Variants in SGCZ observed in about 807,000 individuals in gnomAD.
SGCZ encodes zeta-sarcoglycan.
SGCZ carries 40 observed loss-of-function variants against 41.3 expected under a neutral mutation model. The ratio of observed to expected loss-of-function variants is 0.97; its 90% confidence interval spans 0.75 to 1.26. SGCZ has a LOEUF of 1.26. Ranked by LOEUF, SGCZ falls within the 50% of genes most tolerant of loss-of-function variation. The pLI, the probability that SGCZ is intolerant of heterozygous loss-of-function variation, is 0.00. For synonymous variants in SGCZ, 206 were observed against 137.5 expected (o/e 1.50, Z -3.49); for missense variants, 552 against 369.8 (o/e 1.49, Z -4.04).
chr8:14,138,448 G>A (rs570325029), intron 5 of SGCZ, among the ~76,000 whole-genome samples: 13 of 151,534 alleles, frequency 8.6e-5, no homozygotes, highest in South Asian at 4.2e-4. Flanking sequence ...TCCATCTCAC[G>A]TGCAGAGACA....
chr8:14,510,015 C>T (rs1220909675), intron 2 of SGCZ, among the ~76,000 whole-genome samples: 1 of 152,090 alleles, frequency 6.6e-6, no homozygotes, highest in Middle Eastern at 3.2e-3. Flanking sequence ...TTTGAGATGA[C>T]ATTTGGGTGG....
At chr8:15,120,771 C>A (rs897665637) in intron 1 of SGCZ, among the ~76,000 whole-genome samples, 1 of 152,008 alleles carries the variant, frequency 6.6e-6, no homozygotes, top group African/African-American at 2.4e-5. Context: ...TTCAAAGGAC[C>A]ATTTTGTTGA....
chr8:14,905,083 TC>T (rs1799083989), intron 1 of SGCZ, among the ~76,000 whole-genome samples: 1 of 151,998 alleles, frequency 6.6e-6, no homozygotes, highest in Non-Finnish European at 1.5e-5. Flanking sequence ...TATACTCACT[TC>T]CCAGTCACAA....
chr8:14,474,759 A>T (rs1488562662), intron 2 of SGCZ, among the ~76,000 whole-genome samples: 1 of 152,198 alleles, frequency 6.6e-6, no homozygotes, highest in East Asian at 1.9e-4. Flanking sequence ...CTAAAAATCA[A>T]TTACTTGTCC....
At chr8:14,683,802 G>A (rs1808521482) in intron 1 of SGCZ, among the ~76,000 whole-genome samples, 1 of 152,048 alleles carries the variant, frequency 6.6e-6, no homozygotes, top group Admixed American at 6.6e-5. Flanking sequence ...TAGGGCTCGA[G>A]AAAATTAAGT....
At chr8:14,860,410 G>A (rs1382126819) in intron 1 of SGCZ, among the ~76,000 whole-genome samples, 2 of 151,270 alleles carry the variant, frequency 1.3e-5, no homozygotes, top group African/African-American at 2.4e-5. Flanking sequence ...CAGAAGACAG[G>A]AAGTGAGAAA....
chr8:14,669,541 A>G (rs1305448362), intron 1 of SGCZ, among the ~76,000 whole-genome samples: 1 of 152,044 alleles, frequency 6.6e-6, no homozygotes, highest in Non-Finnish European at 1.5e-5. Flanking sequence ...GTATAACAAC[A>G]TAGATTCCAT....
chr8:14,412,775 T>G (rs12542645), intron 2 of SGCZ, among the ~76,000 whole-genome samples: 48,064 of 151,768 alleles, frequency 0.32, 7,705 homozygotes, highest in Admixed American at 0.36. Flanking sequence ...TGACAAGGTA[T>G]CAAAATAGCA....
At chr8:14,091,040 T>A (rs1236812887) in intron 7 of SGCZ, among the ~76,000 whole-genome samples, 1 of 152,014 alleles carries the variant, frequency 6.6e-6, no homozygotes, top group South Asian at 2.1e-4. Flanking sequence ...CCTGTGTCCA[T>A]GTGTTCTCAT....
At position 14,206,944 on chromosome 8, in the gene SGCZ, C is replaced by A. The variant is rs549451651; in HGVS notation, c.424+30648G>T. ...ACCCACACCAAGGCAAGCACAATGT[C>A]TAGAATGACTTATGTCACTTAGCCA... is the stretch of plus-strand genomic sequence containing the variant. On this transcript the variant is annotated intron_variant, in intron 4 of 7. Transcript: ENST00000382080. Among the ~76,000 whole-genome samples, 57 of 152,284 alleles carry A rather than the reference C, an allele frequency of 3.7e-4. 4 individuals are homozygous for A. Among genetic ancestry groups the A allele is most frequent in the African/African-American group, 1.3e-3 (55 of 41,564 alleles).
intron 1 of SGCZ, among the ~76,000 whole-genome samples, chr8:14,746,734 C>G: frequency 6.6e-6 from 1 of 152,088 alleles, no homozygotes; most frequent in African/African-American, 2.4e-5. Context: ...AAACACAACC[C>G]CTTAAATGTA....
At chr8:14,095,432 G>A (rs553645644) in intron 7 of SGCZ, among the ~76,000 whole-genome samples, 22 of 152,178 alleles carry the variant, frequency 1.4e-4, no homozygotes, top group East Asian at 5.8e-4. Context: ...TCAGATGGTC[G>A]TAGATGTATG....
chr8:14,215,706 T>C (rs190161833), intron 4 of SGCZ, among the ~76,000 whole-genome samples: 8 of 152,242 alleles, frequency 5.3e-5, no homozygotes, highest in African/African-American at 1.7e-4. Flanking sequence ...ATATCATAAA[T>C]AAGTGTATGC....
chr8:14,563,084 T>G (rs541681548), intron 1 of SGCZ, among the ~76,000 whole-genome samples: 18 of 152,338 alleles, frequency 1.2e-4, no homozygotes, highest in African/African-American at 4.1e-4. Flanking sequence ...ATAGCTGTGC[T>G]ATGGCTGAAG....
chr8:14,147,990 A>G lies in SGCZ; in HGVS notation c.547+16590T>C, dbSNP rs562448021. Reference sequence around the variant, plus strand: ...TAAAGAAATTAAGAAGGAAATGGAAAAATTTCTTGAAACAAATGATAACCT... The same window carrying G: ...TAAAGAAATTAAGAAGGAAATGGAAGAATTTCTTGAAACAAATGATAACCT... On this transcript the variant is annotated intron_variant, in intron 5 of 7. Transcript: ENST00000382080. Among the ~76,000 whole-genome samples the G allele has an allele frequency of 5.3e-5, 8 of 152,282 alleles. 1 individual carries two copies. The South Asian group carries it at 1.7e-3, about 32-fold the overall frequency.
At chr8:14,535,520 T>C (rs546670713) in intron 2 of SGCZ, among the ~76,000 whole-genome samples, 122 of 152,054 alleles carry the variant, frequency 8.0e-4, no homozygotes, top group Non-Finnish European at 1.4e-3. Context: ...GTAATTAAAA[T>C]TATTTCATCT....
chr8:14,235,277 C>T (rs1806715838), intron 4 of SGCZ, among the ~76,000 whole-genome samples: 1 of 152,106 alleles, frequency 6.6e-6, no homozygotes, highest in Non-Finnish European at 1.5e-5. Context: ...AATATGCAAA[C>T]CAGCAAAAAT....
intron 2 of SGCZ, among the ~76,000 whole-genome samples, chr8:14,464,623 C>G (rs548757052): frequency 6.7e-6 from 1 of 150,298 alleles, no homozygotes; most frequent in African/African-American, 2.4e-5. Flanking sequence ...ATGATTTCTT[C>G]CCTTCTGTTA....
At chr8:15,210,229 T>C (rs552652999) in intron 1 of SGCZ, among the ~76,000 whole-genome samples, 23 of 152,260 alleles carry the variant, frequency 1.5e-4, no homozygotes, top group Middle Eastern at 3.4e-3. Context: ...ACTCTGGGTG[T>C]TTATGTGGGG....
Sources: gnomAD v4.1 joint callset for allele counts (sites outside exome capture counted in the v4.1 genomes callset) on GRCh38, gnomAD v4.1.1 for gene constraint, MANE v1.5 for transcripts, NCBI Gene and HGNC (gene_info 2026-07-23, HGNC 2026-07-21) for gene names.